The following ARHGAP24 variants were observed in gnomAD, a reference collection of about 807,000 sequenced individuals.
ARHGAP24 encodes the protein Rho GTPase activating protein 24.
A neutral mutation model predicts 76.4 loss-of-function variants in ARHGAP24; 50 were observed. The ratio of observed to expected loss-of-function variants is 0.65; its 90% CI spans 0.52 to 0.83. ARHGAP24 has a LOEUF of 0.83. Ranked by LOEUF, ARHGAP24 falls within the 40% of genes least tolerant of loss-of-function variation. ARHGAP24 has a pLI of 0.00. For synonymous variants in ARHGAP24, 345 were observed against 323.3 expected (o/e 1.07, Z -0.72); for missense variants, 930 against 914.2 (o/e 1.02, Z -0.22).
intron 3 of ARHGAP24, among the ~76,000 whole-genome samples, chr4:85,912,080 A>G (rs1317036427): frequency 6.6e-6 from 1 of 152,188 alleles, no homozygotes; most frequent in East Asian, 1.9e-4. Flanking sequence ...ATTATTTTCA[A>G]CATATGTTGA....
intron 1 of ARHGAP24, among the ~76,000 whole-genome samples, chr4:85,491,964 T>A (rs1444232423): frequency 1.3e-5 from 2 of 152,316 alleles, no homozygotes; most frequent in Admixed American, 6.5e-5. Context: ...GTTAAATGTC[T>A]TGTTTCTATT....
At chr4:85,755,288 G>A (rs1196727114) in intron 3 of ARHGAP24, among the ~76,000 whole-genome samples, 5 of 152,018 alleles carry the variant, frequency 3.3e-5, no homozygotes, top group Non-Finnish European at 7.4e-5. Flanking sequence ...CCTACATCCT[G>A]TAGGTGAAGG....
At chr4:85,694,878 A>T (rs1723812902) in intron 2 of ARHGAP24, among the ~76,000 whole-genome samples, 1 of 152,222 alleles carries the variant, frequency 6.6e-6, no homozygotes, top group African/African-American at 2.4e-5. Flanking sequence ...TGTCTTAAAT[A>T]AAACTCCTCA....
chr4:85,963,889 A>G (rs1358971642), intron 5 of ARHGAP24, among the ~76,000 whole-genome samples: 1 of 151,914 alleles, frequency 6.6e-6, no homozygotes, highest in Admixed American at 6.6e-5. Context: ...TACCACTTAT[A>G]TATGTTTTTT....
At chr4:85,678,451 A>G (rs759819635) in intron 2 of ARHGAP24, among the ~76,000 whole-genome samples, 7 of 152,224 alleles carry the variant, frequency 4.6e-5, no homozygotes, top group Non-Finnish European at 7.3e-5. Context: ...TTTCGGTTCA[A>G]TGCCCAAATT....
chr4:85,682,105 C>T (rs574970123), intron 2 of ARHGAP24, among the ~76,000 whole-genome samples: 13 of 152,270 alleles, frequency 8.5e-5, no homozygotes, highest in South Asian at 4.1e-4. Context: ...TTATATTCTC[C>T]GCTAAAGGAG....
intron 2 of ARHGAP24, among the ~76,000 whole-genome samples, chr4:85,619,275 A>G (rs968820143): frequency 2.6e-5 from 4 of 152,114 alleles, no homozygotes; most frequent in Admixed American, 6.6e-5. Flanking sequence ...AATTGACTAT[A>G]AATGCATCCA....
At chr4:85,506,361 T>C (rs557380804) in intron 1 of ARHGAP24, among the ~76,000 whole-genome samples, 9 of 152,350 alleles carry the variant, frequency 5.9e-5, no homozygotes, top group East Asian at 3.9e-4. Context: ...GTGGAGTCTA[T>C]AGAGGCAGTA....
chr4:85,521,985 C>T (rs951814591), intron 1 of ARHGAP24, among the ~76,000 whole-genome samples: 6 of 152,056 alleles, frequency 3.9e-5, no homozygotes, highest in African/African-American at 1.4e-4. Flanking sequence ...TGTTTGATGC[C>T]TGTTTTGTAG....
chr4:85,891,480 G>T (rs1428298812), intron 3 of ARHGAP24, among the ~76,000 whole-genome samples: 1 of 87,778 alleles, frequency 1.1e-5, no homozygotes, highest in African/African-American at 4.6e-5. Context: ...CATTCAGTAT[G>T]ATATTGGCTG....
At chr4:85,524,019 A>G (rs1319092578) in intron 1 of ARHGAP24, among the ~76,000 whole-genome samples, 1 of 152,150 alleles carries the variant, frequency 6.6e-6, no homozygotes, top group Admixed American at 6.6e-5. Flanking sequence ...TGGGCAGCCC[A>G]ATTCTGTATC....
At chr4:85,652,723 A>T (rs973859899) in intron 2 of ARHGAP24, among the ~76,000 whole-genome samples, 4 of 152,180 alleles carry the variant, frequency 2.6e-5, no homozygotes, top group African/African-American at 9.7e-5. Context: ...TTTTTGAGGG[A>T]TGCAGAAACT....
At chr4:85,888,347 C>T (rs1398026815) in intron 3 of ARHGAP24, among the ~76,000 whole-genome samples, 1 of 146,978 alleles carries the variant, frequency 6.8e-6, no homozygotes, top group Non-Finnish European at 1.5e-5. Flanking sequence ...TTGCAGTGAG[C>T]CAAGATCACA....
At chr4:85,776,766 T>C (rs1236975748) in intron 3 of ARHGAP24, among the ~76,000 whole-genome samples, 1 of 152,132 alleles carries the variant, frequency 6.6e-6, no homozygotes, top group Non-Finnish European at 1.5e-5. Context: ...CATTTAACCC[T>C]CTGAATCACC....
chr4:85,871,964 T>A (rs1732550850), intron 3 of ARHGAP24, among the ~76,000 whole-genome samples: 1 of 151,874 alleles, frequency 6.6e-6, no homozygotes, highest in Non-Finnish European at 1.5e-5. Context: ...ATTGCCAATA[T>A]TTTAAAACAC....
intron 1 of ARHGAP24, among the ~76,000 whole-genome samples, chr4:85,504,255 C>G (rs1001594131): frequency 1.7e-4 from 26 of 152,172 alleles, no homozygotes; most frequent in Non-Finnish European, 3.4e-4. Context: ...GAGCTGAGTT[C>G]AAGTCCTGGA....
At chr4:85,861,223 A>G (rs1409211528) in intron 3 of ARHGAP24, among the ~76,000 whole-genome samples, 1 of 152,084 alleles carries the variant, frequency 6.6e-6, no homozygotes, top group Non-Finnish European at 1.5e-5. Context: ...GCTGGTGATT[A>G]TATTTTTCCT....
chr4:85,510,630 C>A (rs1251914264), intron 1 of ARHGAP24, among the ~76,000 whole-genome samples: 1 of 149,430 alleles, frequency 6.7e-6, no homozygotes, highest in Non-Finnish European at 1.5e-5. Flanking sequence ...CTCCCCTGTC[C>A]TTCCCAGGTT....
intron 3 of ARHGAP24, among the ~76,000 whole-genome samples, chr4:85,896,965 T>C (rs1019348643): frequency 7.2e-5 from 11 of 152,212 alleles, no homozygotes; most frequent in African/African-American, 9.6e-5. Context: ...AAAAATCTCT[T>C]TTAGACTTCA....
Sources: gnomAD v4.1 joint callset for allele counts (sites outside exome capture counted in the v4.1 genomes callset) on GRCh38, gnomAD v4.1.1 for gene constraint, MANE v1.5 for transcripts, NCBI Gene and HGNC (gene_info 2026-07-23, HGNC 2026-07-21) for gene names.